MYCBP2: variants seen among roughly 807,000 people sequenced by gnomAD.
MYCBP2 encodes the protein E3 ubiquitin-protein ligase MYCBP2.
A neutral mutation model predicts 525.3 loss-of-function variants in MYCBP2; 120 were observed. That is an observed-to-expected ratio of 0.23 (90% CI 0.20 to 0.27). MYCBP2 has a LOEUF of 0.27. MYCBP2 is among the 10% of genes least tolerant of loss of function. The pLI is 1.00. For synonymous variants in MYCBP2, 1,894 were observed against 1,955.8 expected (o/e 0.97, Z 0.83); for missense variants, 4,149 against 5,657.1 (o/e 0.73, Z 8.55).
rs1474741990 is a variant in MYCBP2, at chr13:77,045,621, C to T, written c.13922-128G>A. 29 of 648,140 alleles carry T rather than the reference C, an allele frequency of 4.5e-5. No individual in the cohort carries two copies. In the East Asian group the frequency reaches 7.5e-4, roughly 17 times the overall value. 40.1% of individuals were successfully genotyped at this position (648,140 alleles called of 1,614,324 possible). On this transcript the variant is annotated intron_variant, in intron 82 of 82. Coordinates refer to ENST00000544440, the MANE Select transcript of MYCBP2 (RefSeq NM_015057.5). ...CATGACTATGGTTATACAAATATAA[C>T]ATTTAGAAATTTTTCTTCTGATCAC...
Position 77,202,497 on chromosome 13 carries a change from C to T in MYCBP2, c.3843+2759G>A, listed in dbSNP as rs376141324. On this transcript the variant is annotated intron_variant, in intron 26 of 82. Coordinates refer to ENST00000544440, the MANE Select transcript of MYCBP2 (RefSeq NM_015057.5). ...GGAACTGGTACCATTCCTTCTGAAA[C>T]TATTCCAATCAATAGAAAAAGAGGG... 7.9e-3 allele frequency among the ~76,000 whole-genome samples: 1,209 copies of T among 152,156 alleles called. 14 individuals carry two copies. The highest frequency in any genetic ancestry group is 0.02 in the Middle Eastern group (6 of 294).
Position 77,176,513 on chromosome 13 carries a change from T to C in MYCBP2, c.5456A>G (p.Lys1819Arg). ...PSDIAEIRLD[K>R]VVPLKENVKY... ...TGAAACTACCTTTAAAGGAACCACT[T>C]TGTCAAGTCTGATCTCAGCTATATC... The change falls in exon 36 of 83, where the codon AAA (lysine) becomes AGA (arginine). Residue 1819 changes from lysine (K) to arginine (R), a missense_variant. Physicochemically the swap from Lys to Arg is conservative, Grantham distance 26. Around this residue, in one of 21 missense-constraint regions of MYCBP2, gnomAD observed 109 missense variants for 118.9 expected, o/e 0.92. Transcript: ENST00000544440. 6.3e-7 allele frequency: 1 copy of C among 1,580,452 alleles called. No individual in the cohort carries two copies. The highest frequency in any genetic ancestry group is 1.2e-5 in the South Asian group (1 of 84,386).
At chr13:77,066,458 A>G (rs916663694) in intron 71 of MYCBP2, among the ~76,000 whole-genome samples, 1 of 152,230 alleles carries the variant, frequency 6.6e-6, no homozygotes, top group Non-Finnish European at 1.5e-5. Flanking sequence ...CTTTTTTCCT[A>G]GCAAGACTAC....
chr13:77,152,856 G>C (rs2056684159), intron 46 of MYCBP2, among the ~76,000 whole-genome samples: 1 of 152,078 alleles, frequency 6.6e-6, no homozygotes, highest in Non-Finnish European at 1.5e-5. Flanking sequence ...ACAAGGTCAG[G>C]AGATCGAGAC....
intron 29 of MYCBP2, 102 bp downstream of exon 29, chr13:77,190,150 G>A (rs1016350768): frequency 4.9e-6 from 3 of 607,024 alleles, no homozygotes; most frequent in Admixed American, 5.6e-5. Context: ...TTTGCTGAAT[G>A]CTTCAAATAA....
At chr13:77,084,463 T>G (rs2043866101) in intron 62 of MYCBP2, among the ~76,000 whole-genome samples, 1 of 152,210 alleles carries the variant, frequency 6.6e-6, no homozygotes, top group East Asian at 1.9e-4. Context: ...TATATTGTCT[T>G]CTAAAGAATG....
At position 77,181,787 on chromosome 13, in the gene MYCBP2, T is replaced by C. The variant is rs780555600; in HGVS notation, c.4855A>G (p.Ile1619Val). 5.6e-6 allele frequency: 9 copies of C among 1,614,020 alleles called. No individual in the cohort carries two copies. The Admixed American group carries it at 1.2e-4, about 21-fold the overall frequency. ...AYDGEVLLRS[I>V]VKQVSTENDS... is the part of the protein sequence containing the mutation. ...TTCTCTGTACTAACTTGTTTAACAA[T>C]TGATCGTAGTAATACTTCTCCATCA... Residue 1619 changes from isoleucine to valine, a missense_variant, in exon 33 of 83, where the codon ATT (isoleucine) becomes GTT (valine). Around this residue, in one of 21 missense-constraint regions of MYCBP2, gnomAD observed 292 missense variants for 330.5 expected, o/e 0.88. Coordinates refer to ENST00000544440, the MANE Select transcript of MYCBP2 (RefSeq NM_015057.5).
At chr13:77,211,075 G>T (rs2063944762) in intron 23 of MYCBP2, 92 bp downstream of exon 23, 1 of 1,011,544 alleles carries the variant, frequency 9.9e-7, no homozygotes, top group Non-Finnish European at 1.3e-6. Flanking sequence ...GTACTCACAT[G>T]TGAAAAGTCC....
chr13:77,125,546 C>T lies in MYCBP2; in HGVS notation c.7885-78G>A, dbSNP rs77135978. The T allele has an allele frequency of 4.0e-5, 61 of 1,517,080 alleles. No individual in the cohort carries two copies. The East Asian group carries it at 4.8e-4, about 12-fold the overall frequency. 94.0% of individuals were successfully genotyped at this position (1,517,080 alleles called of 1,614,324 possible). On this transcript the variant is annotated intron_variant, in intron 53 of 82. Transcript: ENST00000544440. ...AGTCTGAAAACCAGTAAAAATCTTACGTGTCTGAATAGTGTAATCATTCCA... is the reference window on the plus strand; with the variant it reads ...AGTCTGAAAACCAGTAAAAATCTTATGTGTCTGAATAGTGTAATCATTCCA...
At chr13:77,121,251 C>T in intron 55 of MYCBP2, 122 bp downstream of exon 55, 1 of 927,976 alleles carries the variant, frequency 1.1e-6, no homozygotes, top group Non-Finnish European at 1.4e-6. Context: ...TATTAGCTTT[C>T]CATGAACAAA....
intron 14 of MYCBP2, among the ~76,000 whole-genome samples, chr13:77,257,087 A>G (rs1340185322): frequency 6.6e-6 from 1 of 152,094 alleles, no homozygotes; most frequent in Non-Finnish European, 1.5e-5. Flanking sequence ...TGCAACAACA[A>G]GGATGTAACT....
intron 1 of MYCBP2, among the ~76,000 whole-genome samples, chr13:77,323,880 G>A (rs2154384304): frequency 6.6e-6 from 1 of 151,960 alleles, no homozygotes. Context: ...TTTTTCAATG[G>A]CTAACCTCTC....
At chr13:77,137,057 AAC>A (rs1403033110) in intron 52 of MYCBP2, among the ~76,000 whole-genome samples, 2 of 152,198 alleles carry the variant, frequency 1.3e-5, no homozygotes, top group East Asian at 3.8e-4. Flanking sequence ...TTACATTAAC[AAC>A]CTCCGCACTC....
chr13:77,326,960 C>A lies in MYCBP2; in HGVS notation c.-185G>T, dbSNP rs1567276208. The A allele has an allele frequency of 3.9e-6, 2 of 513,556 alleles. No homozygotes were observed. Among genetic ancestry groups the A allele is most frequent in the Non-Finnish European group, 6.2e-6 (2 of 320,878 alleles). The allele number at this position is 513,556 out of a possible 1,614,324, so 31.8% of individuals were successfully genotyped here. A position where few individuals can be genotyped will look rare whatever the true frequency, so the allele number is the denominator to read the frequency against. On this transcript the variant is annotated 5_prime_UTR_variant, in exon 1 of 83. Coordinates refer to ENST00000544440, the MANE Select transcript of MYCBP2 (RefSeq NM_015057.5). The surrounding 1 kb of genome is among the most constrained non-coding windows in gnomAD (Gnocchi z 4.2). ...CCTTCTTCTCCTCCTCCCCCCCGCG[C>A]CGCCCTCGCCGCTACTGGGGCCGCT...
rs2058772934 is a variant in MYCBP2 at position 77,168,486 on chromosome 13, T to C, written c.6056A>G (p.His2019Arg). ...QGLSACTTSS[H>R]YAVIESEHPY... ...GTGCTCACTCTCTATGACAGCATAG[T>C]GACTGGAGGTTGTACAAGCAGAGAG... The change falls in exon 40 of 83, where the codon CAC (histidine) becomes CGC (arginine). Residue 2019 changes from histidine to arginine, a missense_variant. His to Arg is a conservative substitution (Grantham distance 29). Coordinates refer to ENST00000544440, the MANE Select transcript of MYCBP2 (RefSeq NM_015057.5). 1.7e-5 allele frequency: 28 copies of C among 1,614,052 alleles called. No individual in the cohort carries two copies. Among genetic ancestry groups the C allele is most frequent in the Non-Finnish European group, 2.4e-5 (28 of 1,180,014 alleles).
At chr13:77,169,555 CT>C (rs1386536835) in intron 39 of MYCBP2, 58 bp downstream of exon 39, 2 of 1,456,010 alleles carry the variant, frequency 1.4e-6, no homozygotes, top group South Asian at 1.2e-5. Context: ...GACACAAAGT[CT>C]TTTTTTAAAA....
In MYCBP2 at chr13:77,282,984, TA is replaced by T. The variant is rs147169898; in HGVS notation, c.595-4074del. Among the ~76,000 whole-genome samples, 1,039 of 152,248 alleles carry T rather than the reference TA, an allele frequency of 6.8e-3. 6 individuals are homozygous for T. The highest frequency in any genetic ancestry group is 0.024 in the African/African-American group (989 of 41,548). Reference sequence around the variant, plus strand: ...TCTCTAGACAACTGCAATAACTGCCTAAATGGTTCCTCTGTCTCCAGTCTCA... The same window carrying T: ...TCTCTAGACAACTGCAATAACTGCCTAATGGTTCCTCTGTCTCCAGTCTCA... On this transcript the variant is annotated intron_variant, in intron 3 of 82. Coordinates refer to ENST00000544440, the MANE Select transcript of MYCBP2 (RefSeq NM_015057.5).
chr13:77,144,471 T>G lies in MYCBP2; in HGVS notation c.7277A>C (p.His2426Pro). 1 of 1,613,136 alleles carries G rather than the reference T, an allele frequency of 6.2e-7. No homozygotes were observed. The highest frequency in any genetic ancestry group is 8.5e-7 in the Non-Finnish European group (1 of 1,179,184). ...TPGAIGLYTL[H>P]VTIDGIEIDA... The stretch of plus-strand genomic sequence containing the variant: ...GATTTCAATGCCATCAATGGTAACA[T>G]GAAGAGTGTAGAGTCCAATAGCCCC... Residue 2426 changes from histidine to proline, a missense_variant, in exon 49 of 83, where the codon CAT becomes CCT. By Grantham distance (77) the His-to-Pro change is moderately conservative. Around this residue, in one of 21 missense-constraint regions of MYCBP2, gnomAD observed 692 missense variants for 852.7 expected, o/e 0.81. Transcript: ENST00000544440.
chr13:77,164,282 G>A (rs1003707716), intron 43 of MYCBP2, among the ~76,000 whole-genome samples, 172 bp downstream of exon 43: 1 of 152,100 alleles, frequency 6.6e-6, no homozygotes, highest in Non-Finnish European at 1.5e-5. Flanking sequence ...AAGGTCAGAG[G>A]ATACCCTTCA....
Sources: allele counts gnomAD v4.1 joint callset (sites outside exome capture counted in the v4.1 genomes callset), GRCh38; gene constraint gnomAD v4.1.1; regional missense constraint gnomAD v4.1.1; non-coding constraint Gnocchi (gnomAD v3.1); transcripts MANE v1.5; gene names NCBI Gene and HGNC (gene_info 2026-07-23, HGNC 2026-07-21).